CDKAL1: variants seen among roughly 807,000 people sequenced by gnomAD.
The protein encoded by CDKAL1 is CDKAL1 threonylcarbamoyladenosine tRNA methylthiotransferase.
A neutral mutation model predicts 68.2 loss-of-function variants in CDKAL1; 32 were observed. The ratio of observed to expected loss-of-function variants is 0.47; its 90% CI spans 0.35 to 0.63. The LOEUF is 0.63. CDKAL1 is among the 30% of genes least tolerant of loss of function. The pLI is 0.00. For synonymous variants in CDKAL1, 234 were observed against 244.3 expected (o/e 0.96, Z 0.39); for missense variants, 606 against 696.7 (o/e 0.87, Z 1.47).
chr6:21,141,043 C>G (rs1022095885), intron 13 of CDKAL1, among the ~76,000 whole-genome samples: 5 of 152,134 alleles, frequency 3.3e-5, no homozygotes, highest in African/African-American at 7.2e-5. Context: ...ATCACCTCCC[C>G]CTGGGTCCCT....
intron 6 of CDKAL1, among the ~76,000 whole-genome samples, chr6:20,746,920 T>G (rs1441221936): frequency 2.0e-5 from 3 of 152,178 alleles, no homozygotes; most frequent in Non-Finnish European, 4.4e-5. Flanking sequence ...AATATAGCCC[T>G]GATGATGTAA....
chr6:21,217,652 C>G (rs1307116693), intron 15 of CDKAL1, among the ~76,000 whole-genome samples: 1 of 152,076 alleles, frequency 6.6e-6, no homozygotes, highest in East Asian at 1.9e-4. Context: ...CGTGCACTAG[C>G]ACGCCTGGCT....
intron 5 of CDKAL1, among the ~76,000 whole-genome samples, chr6:20,730,249 T>C (rs1395986918): frequency 2.0e-5 from 3 of 149,436 alleles, no homozygotes; most frequent in Non-Finnish European, 4.5e-5. Context: ...CACTTGAACC[T>C]GGGAGGTGGA....
At chr6:20,847,009 C>T (rs908035669) in intron 9 of CDKAL1, among the ~76,000 whole-genome samples, 1 of 152,138 alleles carries the variant, frequency 6.6e-6, no homozygotes, top group African/African-American at 2.4e-5. Flanking sequence ...TTCAGTATTT[C>T]ATACTCTGGG....
At chr6:21,204,990 C>T (rs10456240) in intron 15 of CDKAL1, among the ~76,000 whole-genome samples, 63,565 of 151,952 alleles carry the variant, frequency 0.42, 13,974 homozygotes, top group African/African-American at 0.55. Context: ...ATCTACTTTC[C>T]GCCTCTATGA....
At chr6:20,652,601 G>A (rs539628402) in intron 5 of CDKAL1, among the ~76,000 whole-genome samples, 27 of 151,852 alleles carry the variant, frequency 1.8e-4, no homozygotes, top group African/African-American at 5.6e-4. Context: ...GGGTCTAATC[G>A]GCCCCCTGTG....
chr6:20,983,242 A>C (rs1462133412), intron 10 of CDKAL1, among the ~76,000 whole-genome samples: 1 of 152,240 alleles, frequency 6.6e-6, no homozygotes, highest in Admixed American at 6.5e-5. Context: ...CAAAGATCCC[A>C]TTAATTTATT....
rs550470854 is a variant in CDKAL1, at chr6:21,104,736, A to G, written c.1237-3665A>G. Reference sequence around the variant, plus strand: ...TAATAAATTTGTTGTCAGAAAAGGCATTGTTTCTTTACTGGTTCTTTGGGG... The same window carrying G: ...TAATAAATTTGTTGTCAGAAAAGGCGTTGTTTCTTTACTGGTTCTTTGGGG... On this transcript the variant is annotated intron_variant, in intron 12 of 15. Transcript: ENST00000274695. Among the ~76,000 whole-genome samples the G allele has an allele frequency of 3.9e-5, 6 of 152,310 alleles. No individual in the cohort carries two copies. In the South Asian group the frequency reaches 1.0e-3, roughly 26 times the overall value.
At chr6:20,673,759 C>T (rs980417804) in intron 5 of CDKAL1, among the ~76,000 whole-genome samples, 3 of 152,152 alleles carry the variant, frequency 2.0e-5, no homozygotes, top group Admixed American at 2.0e-4. Flanking sequence ...TTTTTTCCTG[C>T]CGTCATCCAT....
At chr6:20,952,221 G>A (rs1764569253) in intron 9 of CDKAL1, among the ~76,000 whole-genome samples, 1 of 152,138 alleles carries the variant, frequency 6.6e-6, no homozygotes, top group Non-Finnish European at 1.5e-5. Flanking sequence ...GCCTCCCAAA[G>A]TGCTGGGATT....
chr6:21,008,200 TG>T (rs763105959), intron 11 of CDKAL1, among the ~76,000 whole-genome samples: 6 of 152,122 alleles, frequency 3.9e-5, no homozygotes, highest in Non-Finnish European at 8.8e-5. Context: ...GTAGAAAATG[TG>T]GGTCAGGAGC....
intron 12 of CDKAL1, among the ~76,000 whole-genome samples, chr6:21,105,399 T>C (rs1432158452): frequency 6.6e-6 from 1 of 152,194 alleles, no homozygotes; most frequent in Non-Finnish European, 1.5e-5. Context: ...AGAGGACTTT[T>C]CAGTGGGTGT....
intron 5 of CDKAL1, among the ~76,000 whole-genome samples, chr6:20,660,045 C>G (rs762189408): frequency 3.9e-5 from 6 of 152,082 alleles, no homozygotes; most frequent in Non-Finnish European, 8.8e-5. Context: ...TCACCTCCAC[C>G]CACCCCACAT....
intron 4 of CDKAL1, among the ~76,000 whole-genome samples, chr6:20,615,783 A>G (rs62397567): frequency 0.27 from 36,229 of 134,016 alleles, 5,107 homozygotes; most frequent in Middle Eastern, 0.37. Flanking sequence ...TCTTTAGTTT[A>G]ATGAGATCCC....
chr6:21,202,308 G>T (rs1262699313), intron 15 of CDKAL1, among the ~76,000 whole-genome samples: 1 of 151,860 alleles, frequency 6.6e-6, no homozygotes, highest in Non-Finnish European at 1.5e-5. Flanking sequence ...ACCAGCTTTT[G>T]TTAAAATCCT....
At chr6:21,223,026 C>CA (rs1238710571) in intron 15 of CDKAL1, among the ~76,000 whole-genome samples, 4 of 152,122 alleles carry the variant, frequency 2.6e-5, no homozygotes, top group Non-Finnish European at 4.4e-5. Context: ...AACTGCAAGA[C>CA]AGGTAGCGTG....
At chr6:20,720,768 A>T (rs1242036480) in intron 5 of CDKAL1, among the ~76,000 whole-genome samples, 9 of 152,224 alleles carry the variant, frequency 5.9e-5, no homozygotes, top group African/African-American at 2.2e-4. Flanking sequence ...CCAAAGTGCT[A>T]GATTTCAGGC....
intron 5 of CDKAL1, among the ~76,000 whole-genome samples, chr6:20,656,549 C>T (rs996551930): frequency 2.6e-5 from 4 of 151,548 alleles, no homozygotes; most frequent in African/African-American, 9.7e-5. Flanking sequence ...GAAAGGTAAA[C>T]AAGATACAAA....
intron 15 of CDKAL1, among the ~76,000 whole-genome samples, chr6:21,209,239 A>C (rs1779060114): frequency 6.6e-6 from 1 of 152,176 alleles, no homozygotes; most frequent in South Asian, 2.1e-4. Context: ...ATAGGATGGG[A>C]CTGAGCAGGC....
Sources: gnomAD v4.1 joint callset for allele counts (sites outside exome capture counted in the v4.1 genomes callset) on GRCh38, gnomAD v4.1.1 for gene constraint, MANE v1.5 for transcripts, NCBI Gene and HGNC (gene_info 2026-07-23, HGNC 2026-07-21) for gene names.